TBC1D9: variants seen among roughly 807,000 people sequenced by gnomAD.
TBC1D9 encodes the protein TBC1 domain family member 9A.
A neutral mutation model predicts 132.0 loss-of-function variants in TBC1D9; 63 were observed. The observed-to-expected ratio is 0.48, with a 90% CI of 0.39 to 0.59. TBC1D9 has a LOEUF of 0.59. Ranked by LOEUF, TBC1D9 falls within the 20% of genes least tolerant of loss-of-function variation. The pLI, the probability that TBC1D9 is intolerant of heterozygous loss-of-function variation, is 0.00. For missense variants in TBC1D9, 1,261 were observed against 1,592.7 expected (o/e 0.79, Z 3.54); for synonymous variants, 610 against 609.9 (o/e 1.00, Z 0.00).
At chr4:140,729,475 C>T (rs966428880) in intron 1 of TBC1D9, among the ~76,000 whole-genome samples, 4 of 152,172 alleles carry the variant, frequency 2.6e-5, no homozygotes, top group African/African-American at 9.7e-5. Context: ...TTCCATGTAA[C>T]AGGTTGCACT....
chr4:140,643,699 C>A, intron 13 of TBC1D9: 1 of 1,200,382 alleles, frequency 8.3e-7, no homozygotes, highest in Non-Finnish European at 1.1e-6. Flanking sequence ...ACCCCCAGGT[C>A]CAATGCGGCC....
intron 16 of TBC1D9, among the ~76,000 whole-genome samples, chr4:140,633,484 A>G (rs1423739082): frequency 6.6e-6 from 1 of 152,172 alleles, no homozygotes; most frequent in African/African-American, 2.4e-5. Context: ...GAGAGAAAAG[A>G]CTTCCATTTA....
At chr4:140,660,964 G>A (rs1737349136) in intron 10 of TBC1D9, among the ~76,000 whole-genome samples, 1 of 151,854 alleles carries the variant, frequency 6.6e-6, no homozygotes, top group Non-Finnish European at 1.5e-5. Context: ...GCCCAGGCTG[G>A]AGTGCAGTGG....
rs1305865192 is a variant in TBC1D9 at position 140,622,648 on chromosome 4, G to A, written c.3348C>T (p.Ser1116=). Residue 1116 remains serine, a synonymous_variant, in exon 21 of 21, where the codon AGC becomes AGT. Transcript: ENST00000442267. ...VVESVEPLPA[S]LAPDSEEHSL... is the part of the protein sequence containing the mutation. ...AGTGTTCCTCGCTGTCGGGGGCCAG[G>A]CTGGCCGGCAGGGGCTCAACAGACT... The A allele has an allele frequency of 1.9e-6, 3 of 1,610,498 alleles. No individual in the cohort carries two copies. The highest frequency in any genetic ancestry group is 2.5e-6 in the Non-Finnish European group (3 of 1,177,986).
At chr4:140,731,662 A>AAC (rs1281083646) in intron 1 of TBC1D9, among the ~76,000 whole-genome samples, 10 of 138,730 alleles carry the variant, frequency 7.2e-5, no homozygotes, top group East Asian at 2.1e-4. Flanking sequence ...ATAGTTTTAA[A>AAC]ACACATACAC....
chr4:140,753,072 G>A (rs1200124503), intron 1 of TBC1D9, among the ~76,000 whole-genome samples: 1 of 151,934 alleles, frequency 6.6e-6, no homozygotes, highest in Non-Finnish European at 1.5e-5. Context: ...AAGCTCAAGC[G>A]TCACTTCCTC....
intron 18 of TBC1D9, among the ~76,000 whole-genome samples, chr4:140,625,813 T>C (rs1156328225): frequency 6.6e-6 from 1 of 152,228 alleles, no homozygotes; most frequent in Admixed American, 6.5e-5. Context: ...CCCAGTTCTA[T>C]ATACATATAT....
intron 9 of TBC1D9, among the ~76,000 whole-genome samples, chr4:140,664,284 C>G (rs1470877094): frequency 7.3e-6 from 1 of 137,408 alleles, no homozygotes; most frequent in Non-Finnish European, 1.5e-5. Context: ...ATAAATATAA[C>G]AAAACACATG....
intron 2 of TBC1D9, among the ~76,000 whole-genome samples, chr4:140,696,587 T>C (rs1460868128): frequency 6.6e-6 from 1 of 151,936 alleles, no homozygotes; most frequent in African/African-American, 2.4e-5. Flanking sequence ...CTTATTACAG[T>C]GGCAGTAAGA....
At chr4:140,640,892 A>G (rs1302514156) in intron 13 of TBC1D9, among the ~76,000 whole-genome samples, 1 of 135,816 alleles carries the variant, frequency 7.4e-6, no homozygotes, top group Non-Finnish European at 1.5e-5. Context: ...CATATATGCT[A>G]TATATATATA....
At chr4:140,698,767 A>G (rs1333114315) in intron 2 of TBC1D9, among the ~76,000 whole-genome samples, 1 of 152,044 alleles carries the variant, frequency 6.6e-6, no homozygotes, top group East Asian at 1.9e-4. Context: ...ACATAATTAC[A>G]ATGTTAGAAT....
intron 1 of TBC1D9, among the ~76,000 whole-genome samples, chr4:140,720,679 G>A (rs1487991182): frequency 6.6e-6 from 1 of 152,204 alleles, no homozygotes; most frequent in African/African-American, 2.4e-5. Flanking sequence ...GGCCATCCCA[G>A]AGAAGAGGGC....
chr4:140,673,751 A>G (rs758316538), intron 6 of TBC1D9, among the ~76,000 whole-genome samples: 50 of 152,258 alleles, frequency 3.3e-4, no homozygotes, highest in Non-Finnish European at 5.9e-4. Flanking sequence ...AAATATAGTC[A>G]TATTTATTAT....
chr4:140,733,650 G>A (rs1215861510), intron 1 of TBC1D9, among the ~76,000 whole-genome samples: 9 of 152,134 alleles, frequency 5.9e-5, no homozygotes, highest in African/African-American at 2.2e-4. Context: ...TTTTCTGCCT[G>A]TTTCTACTTT....
intron 16 of TBC1D9, among the ~76,000 whole-genome samples, 153 bp downstream of exon 16, chr4:140,633,795 G>A (rs10002459): frequency 0.41 from 62,504 of 151,756 alleles, 13,877 homozygotes; most frequent in South Asian, 0.52. Context: ...TAGAGGCAAC[G>A]ATTTATCCAT....
At chr4:140,637,793 T>C (rs1006858550) in intron 15 of TBC1D9, among the ~76,000 whole-genome samples, 1 of 152,176 alleles carries the variant, frequency 6.6e-6, no homozygotes, top group Non-Finnish European at 1.5e-5. Flanking sequence ...CTGTTGATAA[T>C]GCTGATGCTG....
intron 1 of TBC1D9, among the ~76,000 whole-genome samples, chr4:140,743,716 T>C (rs562121324): frequency 1.8e-4 from 27 of 152,308 alleles, no homozygotes; most frequent in Admixed American, 1.1e-3. Context: ...TAGGTCCACA[T>C]AATTACAAAT....
chr4:140,643,952 CT>C, intron 13 of TBC1D9: 1 of 624,412 alleles, frequency 1.6e-6, no homozygotes, highest in Admixed American at 2.1e-5. Context: ...CCACCTCCAC[CT>C]TCGCCTCCTG....
At chr4:140,623,057 T>A in intron 20 of TBC1D9, 140 bp from the exon 21 acceptor site, 1 of 1,007,754 alleles carries the variant, frequency 9.9e-7, no homozygotes, top group Non-Finnish European at 1.4e-6. Flanking sequence ...TGGACATGTT[T>A]AAAGTCTCCT....
Sources: allele counts gnomAD v4.1 joint callset (sites outside exome capture counted in the v4.1 genomes callset), GRCh38; gene constraint gnomAD v4.1.1; transcripts MANE v1.5; gene names NCBI Gene and HGNC (gene_info 2026-07-23, HGNC 2026-07-21).